KANSL1: variants seen among roughly 807,000 people sequenced by gnomAD.
KANSL1 encodes the protein MLL1/MLL complex subunit KANSL1.
KANSL1 carries 22 observed loss-of-function variants against 103.6 expected under a neutral mutation model. That is an observed-to-expected ratio of 0.21 (90% CI 0.15 to 0.30). KANSL1 has a LOEUF of 0.30. Among genes scored for constraint, KANSL1 ranks in the 10% least tolerant of loss-of-function variants. KANSL1 has a pLI of 1.00. For synonymous variants in KANSL1, 600 were observed against 527.6 expected, an observed-to-expected ratio of 1.14 and a Z score of -1.88; for missense variants, 1,337 against 1,399.8, an observed-to-expected ratio of 0.96 and a Z score of 0.72.
intron 2 of KANSL1, among the ~76,000 whole-genome samples, chr17:46,151,746 C>A (rs2045117927): frequency 6.6e-6 from 1 of 152,230 alleles, no homozygotes; most frequent in African/African-American, 2.4e-5. Context: ...ATTTCTTAAA[C>A]CAGCTGCTTA....
intron 3 of KANSL1, among the ~76,000 whole-genome samples, chr17:46,083,551 G>T (rs1363642682): frequency 1.3e-5 from 2 of 152,062 alleles, no homozygotes; most frequent in African/African-American, 4.8e-5. Context: ...GACATGGTGG[G>T]TACATGGAGG....
intron 6 of KANSL1, among the ~76,000 whole-genome samples, chr17:46,059,957 C>G (rs1490918690): frequency 6.6e-6 from 1 of 152,036 alleles, no homozygotes; most frequent in Non-Finnish European, 1.5e-5. Flanking sequence ...GGACAAAAAA[C>G]AAACAACAAC....
At chr17:46,172,831 A>AT (rs2046353025) in intron 1 of KANSL1, among the ~76,000 whole-genome samples, 1 of 152,224 alleles carries the variant, frequency 6.6e-6, no homozygotes, top group African/African-American at 2.4e-5. Context: ...GTGGTCATCA[A>AT]TATCTTCTCT....
intron 1 of KANSL1, among the ~76,000 whole-genome samples, chr17:46,219,816 T>C (rs1415445136): frequency 2.0e-5 from 3 of 152,214 alleles, no homozygotes; most frequent in African/African-American, 7.2e-5. Context: ...CAAGAACTAT[T>C]CTCTCGGCTG....
intron 1 of KANSL1, chr17:46,222,777 C>T (rs2048571249): frequency 6.6e-6 from 1 of 152,392 alleles, no homozygotes; most frequent in Non-Finnish European, 1.5e-5. Context: ...AAAGGCGAAG[C>T]TGGTGGAGGG....
intron 2 of KANSL1, among the ~76,000 whole-genome samples, chr17:46,131,808 A>C (rs1305756977): frequency 3.3e-5 from 5 of 152,044 alleles, no homozygotes; most frequent in Admixed American, 1.3e-4. Flanking sequence ...CACCACCACC[A>C]CCCTTGCCAA....
At chr17:46,155,900 C>T (rs559365347) in intron 2 of KANSL1, among the ~76,000 whole-genome samples, 1 of 152,226 alleles carries the variant, frequency 6.6e-6, no homozygotes, top group Non-Finnish European at 1.5e-5. Flanking sequence ...GCCACTGCAC[C>T]CCAACCTGGG....
At chr17:46,177,627 GT>G (rs66742778) in intron 1 of KANSL1, among the ~76,000 whole-genome samples, 21,945 of 152,090 alleles carry the variant, frequency 0.14, 2,134 homozygotes, top group Middle Eastern at 0.22. Flanking sequence ...AAAGTCATTG[GT>G]TAAGATTCTT....
chr17:46,049,673 A>G (rs2077642787), intron 7 of KANSL1: 1 of 152,020 alleles, frequency 6.6e-6, no homozygotes, highest in Non-Finnish European at 1.5e-5. Context: ...GGCCAAAAGG[A>G]ATGCTCTTCT....
At chr17:46,086,649 G>T (rs921759199) in intron 3 of KANSL1, among the ~76,000 whole-genome samples, 9 of 152,132 alleles carry the variant, frequency 5.9e-5, no homozygotes, top group African/African-American at 2.2e-4. Context: ...GATAGTGAGG[G>T]GATTAAGAAG....
chr17:46,091,648 T>C (rs2079392996), intron 3 of KANSL1, among the ~76,000 whole-genome samples: 1 of 152,200 alleles, frequency 6.6e-6, no homozygotes, highest in Non-Finnish European at 1.5e-5. Flanking sequence ...TGTTTAGGTA[T>C]GTTTAAATAC....
At chr17:46,039,568 A>T in intron 8 of KANSL1, 134 bp downstream of exon 8, 1 of 924,652 alleles carries the variant, frequency 1.1e-6, no homozygotes, top group Non-Finnish European at 1.6e-6. Context: ...AGAAGCAGTC[A>T]CTGTGAGCTG....
chr17:46,054,353 C>T (rs974393367), intron 6 of KANSL1, among the ~76,000 whole-genome samples: 1 of 152,190 alleles, frequency 6.6e-6, no homozygotes, highest in Non-Finnish European at 1.5e-5. Context: ...CGCGACCGGT[C>T]CCAGTCATGA....
At chr17:46,058,389 G>A (rs2078006298) in intron 6 of KANSL1, among the ~76,000 whole-genome samples, 1 of 152,112 alleles carries the variant, frequency 6.6e-6, no homozygotes, top group African/African-American at 2.4e-5. Context: ...TACTAAGGTG[G>A]CCAACTCCTC....
chr17:46,173,781 T>C (rs1423657085), intron 1 of KANSL1, among the ~76,000 whole-genome samples: 3 of 152,236 alleles, frequency 2.0e-5, no homozygotes, highest in South Asian at 2.1e-4. Flanking sequence ...ACTTAAGATG[T>C]CCTTGATGAA....
chr17:46,131,325 T>C (rs977253117), intron 2 of KANSL1, among the ~76,000 whole-genome samples: 5 of 152,232 alleles, frequency 3.3e-5, no homozygotes, highest in African/African-American at 1.2e-4. Context: ...TAACATCCAG[T>C]TTCTGAAAAT....
At chr17:46,184,574 C>T (rs1324436202) in intron 1 of KANSL1, among the ~76,000 whole-genome samples, 2 of 152,156 alleles carry the variant, frequency 1.3e-5, no homozygotes, top group Admixed American at 6.5e-5. Flanking sequence ...TACATTAGAC[C>T]TCATCTCCAG....
chr17:46,099,395 T>C (rs1294742285), intron 2 of KANSL1, among the ~76,000 whole-genome samples: 4 of 151,058 alleles, frequency 2.6e-5, no homozygotes, highest in South Asian at 2.1e-4. Context: ...GAGGTAAAGA[T>C]AGACTTCCTC....
At chr17:46,071,804 T>A (rs944861277) in intron 4 of KANSL1, among the ~76,000 whole-genome samples, 1 of 152,140 alleles carries the variant, frequency 6.6e-6, no homozygotes, top group Non-Finnish European at 1.5e-5. Context: ...TTATTTGATG[T>A]TGAGATGAAC....
Sources: allele counts gnomAD v4.1 joint callset (sites outside exome capture counted in the v4.1 genomes callset), GRCh38; gene constraint gnomAD v4.1.1; transcripts MANE v1.5; gene names NCBI Gene and HGNC (gene_info 2026-07-23, HGNC 2026-07-21).